SLIT3: variants seen among roughly 807,000 people sequenced by gnomAD.
The protein encoded by SLIT3 is slit guidance ligand 3.
SLIT3 carries 68 observed loss-of-function variants against 184.0 expected under a neutral mutation model. That is an observed-to-expected ratio of 0.37 (90% CI 0.30 to 0.45). The LOEUF is 0.45. Ranked by LOEUF, SLIT3 falls within the 20% of genes least tolerant of loss-of-function variation. The pLI is 1.00. For synonymous variants in SLIT3, 831 were observed against 828.6 expected (o/e 1.00, Z -0.05); for missense variants, 1,707 against 2,026.0 (o/e 0.84, Z 3.02).
intron 9 of SLIT3, among the ~76,000 whole-genome samples, chr5:168,801,289 T>C (rs746157451): frequency 2.0e-5 from 3 of 152,192 alleles, no homozygotes; most frequent in Non-Finnish European, 4.4e-5. Flanking sequence ...GCTCTCTGGT[T>C]CTGTTTGCTG....
chr5:169,263,525 A>T (rs1046496274), intron 1 of SLIT3: 1 of 411,286 alleles, frequency 2.4e-6, no homozygotes, highest in Admixed American at 3.9e-5. Context: ...CCCTGATGAC[A>T]CCTCAATTTC....
chr5:168,887,837 G>A (rs1477948117), intron 4 of SLIT3, among the ~76,000 whole-genome samples: 1 of 152,130 alleles, frequency 6.6e-6, no homozygotes, highest in East Asian at 1.9e-4. Context: ...ATTTAGCACT[G>A]GATTGACATT....
At chr5:168,834,038 A>G (rs1757963565) in intron 6 of SLIT3, among the ~76,000 whole-genome samples, 1 of 152,216 alleles carries the variant, frequency 6.6e-6, no homozygotes, top group African/African-American at 2.4e-5. Flanking sequence ...GGAAGTCACA[A>G]CTAGCCCCCA....
intron 5 of SLIT3, among the ~76,000 whole-genome samples, chr5:168,861,184 G>A (rs1759087688): frequency 6.6e-6 from 1 of 152,120 alleles, no homozygotes; most frequent in African/African-American, 2.4e-5. Context: ...GTATACATGT[G>A]CCATGTTGGT....
At chr5:168,936,756 T>C (rs566795541) in intron 4 of SLIT3, among the ~76,000 whole-genome samples, 3 of 152,176 alleles carry the variant, frequency 2.0e-5, no homozygotes, top group Admixed American at 6.5e-5. Context: ...TACAGGGTGG[T>C]TGGCGTTCAG....
intron 4 of SLIT3, among the ~76,000 whole-genome samples, chr5:168,924,055 G>A (rs1438638249): frequency 6.6e-6 from 1 of 152,218 alleles, no homozygotes; most frequent in Non-Finnish European, 1.5e-5. Flanking sequence ...GAATGGGTTT[G>A]CCAACCACTG....
intron 16 of SLIT3, among the ~76,000 whole-genome samples, chr5:168,759,100 C>T (rs879642375): frequency 7.9e-5 from 12 of 152,086 alleles, no homozygotes; most frequent in Admixed American, 2.0e-4. Context: ...GTAAACATTC[C>T]AAAATCCAAA....
chr5:168,721,345 T>C (rs1464121691), intron 23 of SLIT3, among the ~76,000 whole-genome samples: 1 of 152,206 alleles, frequency 6.6e-6, no homozygotes, highest in African/African-American at 2.4e-5. Flanking sequence ...CAAGCTGTGA[T>C]ATAAGAATAA....
intron 4 of SLIT3, among the ~76,000 whole-genome samples, chr5:169,112,563 GACTTT>G (rs1760451682): frequency 6.6e-6 from 1 of 152,120 alleles, no homozygotes; most frequent in African/African-American, 2.4e-5. Context: ...TTGGGCGAGT[GACTTT>G]ACCTCATTTT....
intron 20 of SLIT3, among the ~76,000 whole-genome samples, chr5:168,743,116 A>G (rs7723830): frequency 0.44 from 66,987 of 151,670 alleles, 15,335 homozygotes; most frequent in East Asian, 0.55. Context: ...TGTCCCCAAA[A>G]GCATTATTAG....
At chr5:168,970,666 G>A (rs1428678231) in intron 4 of SLIT3, among the ~76,000 whole-genome samples, 3 of 152,142 alleles carry the variant, frequency 2.0e-5, no homozygotes, top group Non-Finnish European at 2.9e-5. Flanking sequence ...GGCATTTGTT[G>A]TGGGGTATCT....
intron 4 of SLIT3, among the ~76,000 whole-genome samples, chr5:168,992,514 G>A (rs1178510418): frequency 2.6e-5 from 4 of 152,162 alleles, no homozygotes; most frequent in East Asian, 1.9e-4. Flanking sequence ...CCTCTACCTC[G>A]GCCAAGGGTC....
chr5:168,681,212 G>A (rs1337630474), intron 32 of SLIT3, among the ~76,000 whole-genome samples: 1 of 152,186 alleles, frequency 6.6e-6, no homozygotes, highest in East Asian at 1.9e-4. Flanking sequence ...CATGACACCA[G>A]TGTCTCCAGT....
chr5:169,228,029 G>A (rs1764870736), intron 3 of SLIT3, among the ~76,000 whole-genome samples: 1 of 152,164 alleles, frequency 6.6e-6, no homozygotes, highest in Non-Finnish European at 1.5e-5. Context: ...CCCAACGGAA[G>A]GCCTGATGGC....
At chr5:168,968,812 C>A (rs1754443906) in intron 4 of SLIT3, among the ~76,000 whole-genome samples, 2 of 152,162 alleles carry the variant, frequency 1.3e-5, no homozygotes, top group Non-Finnish European at 2.9e-5. Flanking sequence ...CTCAGACAGA[C>A]TTAGGTCTGT....
chr5:168,743,563 G>A (rs1763704910), intron 20 of SLIT3, among the ~76,000 whole-genome samples: 1 of 152,032 alleles, frequency 6.6e-6, no homozygotes, highest in South Asian at 2.1e-4. Flanking sequence ...CCCTATTTCC[G>A]GAGACAAAGT....
intron 4 of SLIT3, among the ~76,000 whole-genome samples, chr5:168,972,339 G>A (rs1053812387): frequency 6.8e-6 from 1 of 146,650 alleles, no homozygotes; most frequent in African/African-American, 2.5e-5. Flanking sequence ...AGGACAACAT[G>A]TGTGTGTGTG....
In SLIT3 at chr5:169,300,616, C is replaced by G. The variant is rs755888551; in HGVS notation, c.94G>C (p.Val32Leu). 67 of 1,503,848 alleles carry G rather than the reference C, an allele frequency of 4.5e-5. No homozygotes were observed. Among genetic ancestry groups the G allele is most frequent in the Admixed American group, 2.1e-5 (1 of 47,420 alleles). 93.2% of individuals were successfully genotyped at this position (1,503,848 alleles called of 1,614,324 possible). ...LASVLSGPPA[V>L]ACPTKCTCSA... ...CAGGTACACTTGGTGGGGCAGGCGA[C>G]GGCTGGAGGCCCACTCAGGACGCTC... is the stretch of plus-strand genomic sequence containing the variant. The change falls in exon 1 of 36, where the codon GTC becomes CTC. Residue 32 changes from valine (V) to leucine (L), a missense_variant. This residue lies in a region of SLIT3 where 1,307 missense variants were observed against 1,511.6 expected (regional missense o/e 0.86). Coordinates refer to ENST00000519560, the MANE Select transcript of SLIT3 (RefSeq NM_003062.4). This position sits in a 1 kb window ranked among gnomAD's most constrained non-coding sequence, Gnocchi z 4.1.
At chr5:169,091,344 C>T (rs1054810035) in intron 4 of SLIT3, among the ~76,000 whole-genome samples, 11 of 152,192 alleles carry the variant, frequency 7.2e-5, no homozygotes, top group African/African-American at 2.2e-4. Flanking sequence ...GTGTTTCCAA[C>T]GGCATGGTTG....
Sources: gnomAD v4.1 joint callset for allele counts (sites outside exome capture counted in the v4.1 genomes callset) on GRCh38, gnomAD v4.1.1 for gene constraint, gnomAD v4.1.1 regional missense constraint, Gnocchi (gnomAD v3.1) non-coding constraint, MANE v1.5 for transcripts, NCBI Gene and HGNC (gene_info 2026-07-23, HGNC 2026-07-21) for gene names.